The following PHKG2 variants were observed in gnomAD, a reference collection of about 807,000 sequenced individuals.
PHKG2 encodes phosphorylase b kinase gamma catalytic chain, liver/testis isoform.
A neutral mutation model predicts 44.5 loss-of-function variants in PHKG2; 28 were observed. The ratio of observed to expected loss-of-function variants is 0.63; its 90% confidence interval spans 0.47 to 0.86. The LOEUF (loss-of-function observed/expected upper bound fraction) is 0.86. PHKG2 is among the 40% of genes least tolerant of loss of function. The pLI, the probability that PHKG2 is intolerant of heterozygous loss-of-function variation, is 0.00. For missense variants in PHKG2, 498 were observed against 547.5 expected (o/e 0.91, Z 0.90); for synonymous variants, 220 against 211.2 (o/e 1.04, Z -0.36).
At chr16:30,754,151 GTCTTTTTTTTTCTTTTT>G (rs1211923267) in intron 6 of PHKG2, among the ~76,000 whole-genome samples, 24 of 151,562 alleles carry the variant, frequency 1.6e-4, no homozygotes, top group Admixed American at 1.0e-3. Flanking sequence ...GCAGGCACCA[GTCTTTTTTTTTCTTTTT>G]TCTTTTTTTT....
Position 30,757,286 on chromosome 16 carries a change from C to G in PHKG2, c.*189C>G. 1.9e-6 allele frequency: 3 copies of G among 1,540,998 alleles called. No individual in the cohort carries two copies. Among genetic ancestry groups the G allele is most frequent in the Middle Eastern group, 2.3e-4 (1 of 4,360 alleles). ...AGATCAGAGCTGGGGTGGAAGGGAG[C>G]CATTCTGAACGCCACGCCTGGCCCG... On this transcript the variant is annotated 3_prime_UTR_variant, in exon 10 of 10. Coordinates refer to ENST00000563588, the MANE Select transcript of PHKG2 (RefSeq NM_000294.3).
rs1383365232 is a variant in PHKG2 at position 30,760,433 on chromosome 16, T to C, written c.*3336T>C. 6.2e-7 allele frequency: 1 copy of C among 1,614,088 alleles called. No individual in the cohort carries two copies. The highest frequency in any genetic ancestry group is 1.7e-5 in the Admixed American group (1 of 60,018). The stretch of plus-strand genomic sequence containing the variant: ...CAGGCTCTGCTCAGGACACCCTAGC[T>C]CCAGCAGCTCAGCCAGCACCCTTGG... On this transcript the variant is annotated 3_prime_UTR_variant, in exon 10 of 10. Transcript: ENST00000563588.
chr16:30,758,747 G>A lies in PHKG2; in HGVS notation c.*1650G>A. The A allele has an allele frequency of 2.0e-6, 1 of 501,908 alleles. No homozygotes were observed. The allele number at this position is 501,908 out of a possible 1,614,324, so 31.1% of individuals were successfully genotyped here. A position where few individuals can be genotyped will look rare whatever the true frequency, so the allele number is the denominator to read the frequency against. ...TTTTTTGTATTTTAGTAGATAGGGGGTTTCACGGTGTTGCCCAGGCTGGTC... is the reference window on the plus strand; with the variant it reads ...TTTTTTGTATTTTAGTAGATAGGGGATTTCACGGTGTTGCCCAGGCTGGTC... On this transcript the variant is annotated 3_prime_UTR_variant, in exon 10 of 10. Transcript: ENST00000563588.
chr16:30,759,413 C>G lies in PHKG2; in HGVS notation c.*2316C>G. 1 of 1,614,232 alleles carries G rather than the reference C, an allele frequency of 6.2e-7. No individual in the cohort carries two copies. The highest frequency in any genetic ancestry group is 8.5e-7 in the Non-Finnish European group (1 of 1,180,044). On this transcript the variant is annotated 3_prime_UTR_variant, in exon 10 of 10. Transcript: ENST00000563588. ...GTGTTGACCACGTAGTCTTCCAAGG[C>G]CAGCAGCTGTTCCTCTTTGAAGAGG...
chr16:30,749,133 G>C lies in PHKG2; in HGVS notation c.95+218G>C, dbSNP rs1368845216. Among the ~76,000 whole-genome samples the C allele has an allele frequency of 3.7e-4, 47 of 128,308 alleles. 4 individuals carry two copies. The highest frequency in any genetic ancestry group is 1.1e-3 in the South Asian group (4 of 3,536). The allele number at this position is 128,308 out of a possible 152,430, so 84.2% of individuals were successfully genotyped here. On this transcript the variant is annotated intron_variant, in intron 2 of 9. Coordinates refer to ENST00000563588, the MANE Select transcript of PHKG2 (RefSeq NM_000294.3). ...GCTGGTGGTGCTGGTGCTGGTGGTG[G>C]TGGTGCTGGTGCTGGTGGTGGTGCT...
At chr16:30,750,655 A>G (rs2053332105) in intron 2 of PHKG2, among the ~76,000 whole-genome samples, 1 of 152,142 alleles carries the variant, frequency 6.6e-6, no homozygotes, top group East Asian at 1.9e-4. Context: ...CTAAGATCTA[A>G]TTTTCAGCTT....
chr16:30,760,163 A>G lies in PHKG2; in HGVS notation c.*3066A>G, dbSNP rs2053654887. 6.3e-7 allele frequency: 1 copy of G among 1,591,226 alleles called. No homozygotes were observed. The highest frequency in any genetic ancestry group is 8.5e-7 in the Non-Finnish European group (1 of 1,174,934). ...GAAAGCTGATGGCTTGTGTATGATG[A>G]TGCTACTAATAATGACATATTCCAG... is the stretch of plus-strand genomic sequence containing the variant. On this transcript the variant is annotated 3_prime_UTR_variant, in exon 10 of 10. Transcript: ENST00000563588.
chr16:30,754,547 T>C (rs1024167042), intron 6 of PHKG2, among the ~76,000 whole-genome samples: 1 of 152,216 alleles, frequency 6.6e-6, no homozygotes, highest in Non-Finnish European at 1.5e-5. Context: ...TCTTTTTTTA[T>C]AGATTGGCTC....
intron 1 of PHKG2, 121 bp from the exon 2 acceptor site, chr16:30,748,682 C>A (rs2053286444): frequency 6.4e-6 from 2 of 311,566 alleles, no homozygotes; most frequent in South Asian, 2.8e-5. Flanking sequence ...TCCCCCACCC[C>A]CCCCCACCCC....
chr16:30,753,717 C>T (rs1405904935), intron 6 of PHKG2, among the ~76,000 whole-genome samples, 160 bp downstream of exon 6: 1 of 152,166 alleles, frequency 6.6e-6, no homozygotes, highest in African/African-American at 2.4e-5. Flanking sequence ...ATGTTTACCT[C>T]AGAGTGGGCA....
In PHKG2 at chr16:30,759,798, T is replaced by C. The variant is rs1596708104; in HGVS notation, c.*2701T>C. 6.5e-7 allele frequency: 1 copy of C among 1,533,792 alleles called. No individual in the cohort carries two copies. The highest frequency in any genetic ancestry group is 1.4e-5 in the African/African-American group (1 of 72,288). ...TCATTCACTTCACTCAACAGCTGTT[T>C]ATGACCATGAGCTTCAGAAGCAGAC... On this transcript the variant is annotated 3_prime_UTR_variant, in exon 10 of 10. Coordinates refer to ENST00000563588, the MANE Select transcript of PHKG2 (RefSeq NM_000294.3).
chr16:30,753,093 T>C (rs764377526), intron 4 of PHKG2, 139 bp from the exon 5 acceptor site: 16 of 742,252 alleles, frequency 2.2e-5, no homozygotes, highest in Non-Finnish European at 3.8e-5. Flanking sequence ...GTTGGAGTGC[T>C]GTGTTTCTAG....
chr16:30,751,679 G>A (rs982213849), intron 4 of PHKG2, 76 bp downstream of exon 4: 1 of 1,202,740 alleles, frequency 8.3e-7, no homozygotes, highest in Non-Finnish European at 1.2e-6. Context: ...TGGTGCAGTG[G>A]GCTGGACCCA....
intron 6 of PHKG2, among the ~76,000 whole-genome samples, chr16:30,754,323 G>A (rs139348070): frequency 6.6e-5 from 10 of 151,912 alleles, no homozygotes; most frequent in Admixed American, 3.3e-4. Flanking sequence ...CCACCACTAC[G>A]CCTGGCTCAT....
chr16:30,750,890 C>T (rs574874069), intron 2 of PHKG2, among the ~76,000 whole-genome samples: 4 of 152,350 alleles, frequency 2.6e-5, no homozygotes, highest in African/African-American at 7.2e-5. Flanking sequence ...AACCCAGGCC[C>T]TACCTGCCTT....
intron 2 of PHKG2, among the ~76,000 whole-genome samples, chr16:30,750,117 T>C (rs2053325137): frequency 6.6e-6 from 1 of 152,080 alleles, no homozygotes; most frequent in African/African-American, 2.4e-5. Context: ...AAATTGAAAC[T>C]GTGAAGTGGC....
At position 30,760,597 on chromosome 16, in the gene PHKG2, A is replaced by G. The variant is rs773581097; in HGVS notation, c.*3500A>G. 3 of 1,559,650 alleles carry G rather than the reference A, an allele frequency of 1.9e-6. No individual in the cohort carries two copies. Among genetic ancestry groups the G allele is most frequent in the African/African-American group, 1.4e-5 (1 of 73,328 alleles). On this transcript the variant is annotated 3_prime_UTR_variant, in exon 10 of 10. Coordinates refer to ENST00000563588, the MANE Select transcript of PHKG2 (RefSeq NM_000294.3). ...CAAGAGCTCTTCCCACGCCCCCCTCAGTCCCTACTCCCTCATCTCAGCATT... is the reference window on the plus strand; with the variant it reads ...CAAGAGCTCTTCCCACGCCCCCCTCGGTCCCTACTCCCTCATCTCAGCATT...
rs2053625159 is a variant in PHKG2 at position 30,759,858 on chromosome 16, C to T, written c.*2761C>T. 1 of 1,461,846 alleles carries T rather than the reference C, an allele frequency of 6.8e-7. No individual in the cohort carries two copies. The highest frequency in any genetic ancestry group is 1.4e-5 in the African/African-American group (1 of 70,022). 90.6% of individuals were successfully genotyped at this position (1,461,846 alleles called of 1,614,324 possible). ...TTTCAGCACTGGCTTGTTTCCTTAACTCATGTAACAAATACTGAATACCCA... is the reference window on the plus strand; with the variant it reads ...TTTCAGCACTGGCTTGTTTCCTTAATTCATGTAACAAATACTGAATACCCA... On this transcript the variant is annotated 3_prime_UTR_variant, in exon 10 of 10. Coordinates refer to ENST00000563588, the MANE Select transcript of PHKG2 (RefSeq NM_000294.3).
Position 30,760,372 on chromosome 16 carries a change from C to T in PHKG2, c.*3275C>T, listed in dbSNP as rs540907841. 1.5e-5 allele frequency: 25 copies of T among 1,614,182 alleles called. No individual in the cohort carries two copies. Among genetic ancestry groups the T allele is most frequent in the Admixed American group, 6.7e-5 (4 of 60,024 alleles). On this transcript the variant is annotated 3_prime_UTR_variant, in exon 10 of 10. Coordinates refer to ENST00000563588, the MANE Select transcript of PHKG2 (RefSeq NM_000294.3). ...AGCCCTGCTGGCGGCAGAAAATGAG[C>T]GCGTGGCAGAAGAGGTCCAGGGTGA...
Sources: gnomAD v4.1 joint callset for allele counts (sites outside exome capture counted in the v4.1 genomes callset) on GRCh38, gnomAD v4.1.1 for gene constraint, MANE v1.5 for transcripts, NCBI Gene and HGNC (gene_info 2026-07-23, HGNC 2026-07-21) for gene names.